PELP1: variants seen among roughly 807,000 people sequenced by gnomAD.
PELP1 encodes proline, glutamate and leucine rich protein 1, also known as proline-, glutamic acid- and leucine-rich protein 1.
A neutral mutation model predicts 95.5 loss-of-function variants in PELP1; 32 were observed. The observed-to-expected ratio is 0.34, with a 90% CI of 0.25 to 0.45. The LOEUF is 0.45. Ranked by LOEUF, PELP1 falls within the 20% of genes least tolerant of loss-of-function variation. The pLI is 1.00. For synonymous variants in PELP1, 668 were observed against 600.1 expected, an observed-to-expected ratio of 1.11 and a Z score of -1.65; for missense variants, 1,358 against 1,444.8, an observed-to-expected ratio of 0.94 and a Z score of 0.97.
rs1407644000 is a variant in PELP1 at position 4,672,009 on chromosome 17, C to T, written c.2982G>A (p.Lys994=). ...GTTCAGGTTCGGGTTCTGGCTGCAC[C>T]TTTGGGGGAGACTCAGGGGGAGGCA... The part of the protein sequence containing the change: ...PALPPPESPP[K]VQPEPEPEPG... Residue 994 remains lysine, a synonymous_variant, in exon 16 of 17, where the codon AAG becomes AAA. Coordinates refer to ENST00000572293, the MANE Select transcript of PELP1 (RefSeq NM_014389.3). 2.4e-5 allele frequency: 38 copies of T among 1,572,366 alleles called. No homozygotes were observed. In the East Asian group the frequency reaches 8.3e-4, roughly 34 times the overall value.
chr17:4,683,148 C>T (rs1912754319), intron 3 of PELP1, 196 bp from the exon 4 acceptor site: 4 of 1,158,166 alleles, frequency 3.5e-6, no homozygotes, highest in Non-Finnish European at 4.4e-6. Context: ...TATCTGGGGT[C>T]CTAGGAATTT....
At chr17:4,681,300 C>T (rs1912675756) in intron 5 of PELP1, among the ~76,000 whole-genome samples, 2 of 152,074 alleles carry the variant, frequency 1.3e-5, no homozygotes, top group South Asian at 4.1e-4. Flanking sequence ...GCCTGGCCAA[C>T]ATAGTGATAC....
intron 3 of PELP1, among the ~76,000 whole-genome samples, chr17:4,687,254 A>T (rs1166897409): frequency 6.6e-6 from 1 of 152,188 alleles, no homozygotes; most frequent in Non-Finnish European, 1.5e-5. Flanking sequence ...TATTCAATTA[A>T]AGTATCTTCG....
At chr17:4,698,706 G>C (rs927935552) in intron 1 of PELP1, among the ~76,000 whole-genome samples, 1 of 150,014 alleles carries the variant, frequency 6.7e-6, no homozygotes, top group Non-Finnish European at 1.5e-5. Flanking sequence ...ATGTGATCCT[G>C]CATTAAATCC....
chr17:4,672,197 C>T lies in PELP1; in HGVS notation c.2794G>A (p.Glu932Lys). The change falls in exon 16 of 17, where the codon GAG (glutamate) becomes AAG (lysine). Residue 932 changes from glutamate to lysine, a missense_variant. Physicochemically the swap from Glu to Lys is moderately conservative, Grantham distance 56 (BLOSUM62 1). Transcript: ENST00000572293. ...EEEEEEEEEF[E>K]EEFEEEEGEL... ...CCTTCTTCTTCCTCAAATTCTTCCTCAAACTCTTCTTCCTCCTCTTCTTCC... is the reference window on the plus strand; with the variant it reads ...CCTTCTTCTTCCTCAAATTCTTCCTTAAACTCTTCTTCCTCCTCTTCTTCC... 6.4e-7 allele frequency: 1 copy of T among 1,552,528 alleles called. No individual in the cohort carries two copies.
At position 4,672,138 on chromosome 17, in the gene PELP1, C is replaced by A. The variant is rs201455361; in HGVS notation, c.2853G>T (p.Glu951Asp). 367 of 1,552,302 alleles carry A rather than the reference C, an allele frequency of 2.4e-4. No homozygotes were observed. The East Asian group carries it at 8.0e-3, about 34-fold the overall frequency. The change falls in exon 16 of 17, where the codon GAG becomes GAT. Residue 951 changes from glutamate (E) to aspartate (D), a missense_variant. Coordinates refer to ENST00000572293, the MANE Select transcript of PELP1 (RefSeq NM_014389.3). ...CCTCTTCCAGTTCTTCTTCCTCCTC[C>A]TCATCCTCCTCTTCTTCTTCTTCCT... The part of the protein sequence containing the change: ...ELEEEEEEED[E>D]EEEEELEEVE...
At chr17:4,684,192 A>G (rs1912823660) in intron 3 of PELP1, among the ~76,000 whole-genome samples, 1 of 152,156 alleles carries the variant, frequency 6.6e-6, no homozygotes, top group African/African-American at 2.4e-5. Flanking sequence ...CAAAAAAAGA[A>G]AATACTTATG....
At chr17:4,681,435 T>C (rs1406492951) in intron 5 of PELP1, among the ~76,000 whole-genome samples, 1 of 151,554 alleles carries the variant, frequency 6.6e-6, no homozygotes, top group African/African-American at 2.4e-5. Flanking sequence ...ACTTGGAACC[T>C]GGGAGGTGGA....
rs953876612 is a variant in PELP1, at chr17:4,702,091, G to C, written c.249+1772C>G. 3.9e-5 allele frequency among the ~76,000 whole-genome samples: 6 copies of C among 152,118 alleles called. No homozygotes were observed. The South Asian group carries it at 1.2e-3, about 32-fold the overall frequency. On this transcript the variant is annotated intron_variant, in intron 1 of 16. Transcript: ENST00000572293. ...TGAAAGAAATCACACATTTATAGGC[G>C]GGATAGGTAATATTTCACAAATACT... is the stretch of plus-strand genomic sequence containing the variant.
At chr17:4,671,619 A>C in intron 16 of PELP1, 72 bp downstream of exon 16, 2 of 1,601,778 alleles carry the variant, frequency 1.2e-6, no homozygotes, top group South Asian at 2.2e-5. Context: ...CTCCTAAGAG[A>C]AGCAGCTGCC....
chr17:4,676,680 G>T, intron 6 of PELP1, 73 bp downstream of exon 6: 1 of 1,421,616 alleles, frequency 7.0e-7, no homozygotes, highest in Non-Finnish European at 9.7e-7. Flanking sequence ...GGACAGAAAA[G>T]CTAGAGGAGG....
intron 3 of PELP1, among the ~76,000 whole-genome samples, chr17:4,684,496 C>T (rs1912835964): frequency 6.6e-6 from 1 of 152,160 alleles, no homozygotes; most frequent in Non-Finnish European, 1.5e-5. Flanking sequence ...TCCTACCCAC[C>T]CTCTCCTGCC....
Position 4,682,903 on chromosome 17 carries a change from T to C in PELP1, c.470A>G (p.Asp157Gly). Residue 157 changes from aspartate to glycine, a missense_variant, in exon 4 of 17, where the codon GAC (aspartate) becomes GGC (glycine). By Grantham distance (94) the Asp-to-Gly change is moderately conservative (BLOSUM62 -1). This residue lies in a region of PELP1 where 538 missense variants were observed against 628.1 expected (regional missense o/e 0.86). Transcript: ENST00000572293. ...TMELAVAVLRDLLRYAAQLPA... is the reference protein window; with the variant it reads ...TMELAVAVLRGLLRYAAQLPA... The stretch of plus-strand genomic sequence containing the variant: ...CAGCTGGGCTGCATATCGGAGGAGG[T>C]CCCTCAGGACAGCCACGGCCAGCTC... 1 of 1,581,608 alleles carries C rather than the reference T, an allele frequency of 6.3e-7. No individual in the cohort carries two copies. The highest frequency in any genetic ancestry group is 1.9e-5 in the Admixed American group (1 of 53,256).
intron 5 of PELP1, among the ~76,000 whole-genome samples, chr17:4,680,497 CA>C (rs1321438189): frequency 6.6e-6 from 1 of 152,142 alleles, no homozygotes; most frequent in Non-Finnish European, 1.5e-5. Flanking sequence ...AGGCTGGTCT[CA>C]AACTCCTGAG....
Position 4,671,962 on chromosome 17 carries a change from T to C in PELP1, c.3029A>G (p.Glu1010Gly). ...ACGCTCCTCCTCCGTCCCTGGCTCC[T>C]CCACTTCCAAAAGCAGCCCGGGTTC... Reference protein sequence around the residue: ...EPEPGLLLEVEEPGTEEERGA... With the variant: ...EPEPGLLLEVGEPGTEEERGA... Residue 1010 changes from glutamate (E) to glycine (G), a missense_variant, in exon 16 of 17, where the codon GAG becomes GGG. Coordinates refer to ENST00000572293, the MANE Select transcript of PELP1 (RefSeq NM_014389.3). 6.5e-7 allele frequency: 1 copy of C among 1,536,876 alleles called. No individual in the cohort carries two copies. Among genetic ancestry groups the C allele is most frequent in the Non-Finnish European group, 8.7e-7 (1 of 1,146,982 alleles).
chr17:4,703,294 T>G (rs1265325360), intron 1 of PELP1, among the ~76,000 whole-genome samples: 1 of 151,940 alleles, frequency 6.6e-6, no homozygotes, highest in Non-Finnish European at 1.5e-5. Flanking sequence ...CTCCCATATT[T>G]TTTCCCTACC....
Position 4,675,421 on chromosome 17 carries a change from A to C in PELP1, c.1069-59T>G. On this transcript the variant is annotated intron_variant, in intron 9 of 16. Transcript: ENST00000572293. The surrounding 1 kb of genome is among the most constrained non-coding windows in gnomAD (Gnocchi z 4.3). ...GGAAGAAAGTGAGAGCCAGAGAGAG[A>C]CAGAAACAGGGAATGACCATTTACA... The C allele has an allele frequency of 9.2e-7, 1 of 1,088,000 alleles. No homozygotes were observed. The highest frequency in any genetic ancestry group is 1.3e-5 in the South Asian group (1 of 74,602). The allele number at this position is 1,088,000 out of a possible 1,614,324, so 67.4% of individuals were successfully genotyped here.
Position 4,698,638 on chromosome 17 carries a change from T to TTAA in PELP1, c.249+5224_249+5225insTTA, listed in dbSNP as rs746834923. 4.3e-3 allele frequency among the ~76,000 whole-genome samples: 33 copies of TTAA among 7,604 alleles called. 1 individual carries two copies. In the South Asian group the frequency reaches 0.12, roughly 27 times the overall value. 5.0% of individuals were successfully genotyped at this position (7,604 alleles called of 152,430 possible). A position where few individuals can be genotyped will look rare whatever the true frequency, so the allele number is the denominator to read the frequency against. On this transcript the variant is annotated intron_variant, in intron 1 of 16. Transcript: ENST00000572293. ...GCCTAGGCAACAGACTGAGATTGTC[T>TTAA]CAAAAAAAAAAAAACAAGGCAAAAC...
At chr17:4,698,821 C>A (rs1913407583) in intron 1 of PELP1, among the ~76,000 whole-genome samples, 1 of 151,822 alleles carries the variant, frequency 6.6e-6, no homozygotes, top group Non-Finnish European at 1.5e-5. Flanking sequence ...TTTATTGTAC[C>A]AATATTAATT....
Sources: gnomAD v4.1 joint callset for allele counts (sites outside exome capture counted in the v4.1 genomes callset) on GRCh38, gnomAD v4.1.1 for gene constraint, gnomAD v4.1.1 regional missense constraint, Gnocchi (gnomAD v3.1) non-coding constraint, MANE v1.5 for transcripts, NCBI Gene and HGNC (gene_info 2026-07-23, HGNC 2026-07-21) for gene names.